Variants in MLLT1 observed in about 807,000 individuals in gnomAD.
MLLT1 encodes the protein protein ENL.
Under a neutral mutation model 55.1 loss-of-function variants are expected in MLLT1, and 11 were observed. The observed-to-expected ratio is 0.20, with a 90% CI of 0.13 to 0.33. MLLT1 has a LOEUF of 0.33. Ranked by LOEUF, MLLT1 falls within the 10% of genes least tolerant of loss-of-function variation. The probability of loss-of-function intolerance (pLI) is 1.00; values close to 1 mark genes in which losing one functional copy is unlikely to be tolerated. For synonymous variants in MLLT1, 323 were observed against 320.1 expected (o/e 1.01, Z -0.10); for missense variants, 536 against 760.6 (o/e 0.70, Z 3.47).
At chr19:6,234,706 T>C (rs955627676) in intron 3 of MLLT1, among the ~76,000 whole-genome samples, 1 of 152,112 alleles carries the variant, frequency 6.6e-6, no homozygotes, top group African/African-American at 2.4e-5. Flanking sequence ...TGCCACTGCA[T>C]GTCCACAAGC....
intron 2 of MLLT1, among the ~76,000 whole-genome samples, chr19:6,267,402 TA>T (rs34411333): frequency 0.66 from 94,331 of 143,230 alleles, 31,316 homozygotes; most frequent in East Asian, 0.78. Flanking sequence ...GCCAAAAAAT[TA>T]AAAAAAAAAA....
At position 6,256,786 on chromosome 19, in the gene MLLT1, C is replaced by T. The variant is rs2091260716; in HGVS notation, c.276+5442G>A. Among the ~76,000 whole-genome samples, 1 of 152,098 alleles carries T rather than the reference C, an allele frequency of 6.6e-6. No homozygotes were observed. The highest frequency in any genetic ancestry group is 1.5e-5 in the Non-Finnish European group (1 of 68,016). ...AATAAAATAAAATAAAAATAACCTT[C>T]CTATACAACTACAGTCATCAAAACA... On this transcript the variant is annotated intron_variant, in intron 3 of 11. Transcript: ENST00000252674. This position sits in a 1 kb window ranked among gnomAD's most constrained non-coding sequence, Gnocchi z 4.1.
chr19:6,263,087 A>G (rs7258356), intron 2 of MLLT1: 55,744 of 152,154 alleles, frequency 0.37, 12,762 homozygotes, highest in African/African-American at 0.65. Context: ...AGGAAGCTGA[A>G]GCAGGAGAAT....
chr19:6,215,409 T>G (rs1311589571), intron 8 of MLLT1, among the ~76,000 whole-genome samples: 1 of 152,098 alleles, frequency 6.6e-6, no homozygotes, highest in African/African-American at 2.4e-5. Context: ...GCCACAGCCC[T>G]CCTCGTGTCT....
chr19:6,260,587 A>G (rs1021269648), intron 3 of MLLT1, among the ~76,000 whole-genome samples: 2 of 152,266 alleles, frequency 1.3e-5, no homozygotes, highest in Admixed American at 1.3e-4. Flanking sequence ...CAGCAGCCGG[A>G]GCCCCTTGCC....
At chr19:6,268,352 T>A (rs2091365965) in intron 2 of MLLT1, among the ~76,000 whole-genome samples, 1 of 152,090 alleles carries the variant, frequency 6.6e-6, no homozygotes. Flanking sequence ...CCCTTCAAGC[T>A]GGTAAATCAG....
chr19:6,262,174 G>A lies in MLLT1; in HGVS notation c.276+54C>T, dbSNP rs372595439. ...TGTTTTGTGAACTGCCGTGGCACCC[G>A]GAGCAGGGGTCCCCACAGAGAGGCA... On this transcript the variant is annotated intron_variant, in intron 3 of 11. Transcript: ENST00000252674. The surrounding 1 kb of genome is among the most constrained non-coding windows in gnomAD (Gnocchi z 4.4). 1.2e-5 allele frequency: 17 copies of A among 1,437,702 alleles called. No homozygotes were observed. The highest frequency in any genetic ancestry group is 4.5e-5 in the East Asian group (2 of 44,080). 89.1% of individuals were successfully genotyped at this position (1,437,702 alleles called of 1,614,324 possible).
At position 6,235,575 on chromosome 19, in the gene MLLT1, G is replaced by GGAACTGGGTCCTCTCCTCTCCACACTCC. The variant is rs1249554968; in HGVS notation, c.277-4890_277-4863dup. On this transcript the variant is annotated intron_variant, in intron 3 of 11. Coordinates refer to ENST00000252674, the MANE Select transcript of MLLT1 (RefSeq NM_005934.4). This position sits in a 1 kb window ranked among gnomAD's most constrained non-coding sequence, Gnocchi z 5.5. ...CCTGGCACAGGGCACCCTGGGGCTC[G>GGAACTGGGTCCTCTCCTCTCCACACTCC]GAACTGGGTCCTCTCCTCTCCACAC... Among the ~76,000 whole-genome samples, 9 of 152,090 alleles carry GGAACTGGGTCCTCTCCTCTCCACACTCC rather than the reference G, an allele frequency of 5.9e-5. No homozygotes were observed. Among genetic ancestry groups the GGAACTGGGTCCTCTCCTCTCCACACTCC allele is most frequent in the Non-Finnish European group, 1.2e-4 (8 of 67,974 alleles).
chr19:6,276,287 G>A (rs543916906), intron 1 of MLLT1, among the ~76,000 whole-genome samples: 1 of 152,234 alleles, frequency 6.6e-6, no homozygotes, highest in Non-Finnish European at 1.5e-5. Context: ...GGAGCTTTTC[G>A]GGCAGGTTTG....
chr19:6,212,566 G>A lies in MLLT1; in HGVS notation c.*476C>T. 9.2e-7 allele frequency: 1 copy of A among 1,087,272 alleles called. No individual in the cohort carries two copies. Among genetic ancestry groups the A allele is most frequent in the Non-Finnish European group, 1.1e-6 (1 of 894,758 alleles). The allele number at this position is 1,087,272 out of a possible 1,614,324, so 67.4% of individuals were successfully genotyped here. On this transcript the variant is annotated 3_prime_UTR_variant, in exon 12 of 12. Coordinates refer to ENST00000252674, the MANE Select transcript of MLLT1 (RefSeq NM_005934.4). ...GGAGCCGGCGCTAGGTCTACACGGA[G>A]GACGACGCAGACACACAGGCAGGGC... is the stretch of plus-strand genomic sequence containing the variant.
rs1178858712 is a variant in MLLT1 at position 6,227,684 on chromosome 19, C to T, written c.421-582G>A. 6.6e-6 allele frequency among the ~76,000 whole-genome samples: 1 copy of T among 152,150 alleles called. No individual in the cohort carries two copies. Among genetic ancestry groups the T allele is most frequent in the African/African-American group, 2.4e-5 (1 of 41,438 alleles). On this transcript the variant is annotated intron_variant, in intron 4 of 11. Coordinates refer to ENST00000252674, the MANE Select transcript of MLLT1 (RefSeq NM_005934.4). The surrounding 1 kb of genome is among the most constrained non-coding windows in gnomAD (Gnocchi z 5.1). ...TGTGCCTACTGGGGGGGTCTCTCTG[C>T]AAAGCAGGCCCGAGTGAGCCAGCGA... is the stretch of plus-strand genomic sequence containing the variant.
intron 2 of MLLT1, chr19:6,263,001 TGATGAAACTCCGTCTC>T (rs914427693): frequency 1.3e-5 from 2 of 151,762 alleles, no homozygotes; most frequent in African/African-American, 4.8e-5. Flanking sequence ...CTGGCCAACA[TGATGAAACTCCGTCTC>T]TAATAAAAAC....
At chr19:6,247,437 C>A (rs79321491) in intron 3 of MLLT1, among the ~76,000 whole-genome samples, 1 of 152,010 alleles carries the variant, frequency 6.6e-6, no homozygotes, top group East Asian at 1.9e-4. Flanking sequence ...GGCCCGAATG[C>A]GAGAACAATT....
At chr19:6,265,425 C>G (rs564958013) in intron 2 of MLLT1, among the ~76,000 whole-genome samples, 6 of 152,156 alleles carry the variant, frequency 3.9e-5, no homozygotes, top group Admixed American at 6.5e-5. Context: ...AATCCCAGTA[C>G]TTTGGGAGGC....
chr19:6,213,433 C>A, intron 10 of MLLT1, 25 bp from the exon 11 acceptor site: 1 of 1,587,098 alleles, frequency 6.3e-7, no homozygotes, highest in South Asian at 1.1e-5. Context: ...CAGGTCTCAG[C>A]AGCGTGTGGG....
At chr19:6,251,828 C>T (rs980604493) in intron 3 of MLLT1, among the ~76,000 whole-genome samples, 1 of 151,984 alleles carries the variant, frequency 6.6e-6, no homozygotes, top group Admixed American at 6.6e-5. Context: ...GTGACATGCA[C>T]CTGTGGTCCC....
rs1309173218 is a variant in MLLT1 at position 6,273,217 on chromosome 19, G to A, written c.13-2458C>T. Among the ~76,000 whole-genome samples, 2 of 152,100 alleles carry A rather than the reference G, an allele frequency of 1.3e-5. No individual in the cohort carries two copies. The highest frequency in any genetic ancestry group is 4.8e-5 in the African/African-American group (2 of 41,404). On this transcript the variant is annotated intron_variant, in intron 1 of 11. Coordinates refer to ENST00000252674, the MANE Select transcript of MLLT1 (RefSeq NM_005934.4). This position sits in a 1 kb window ranked among gnomAD's most constrained non-coding sequence, Gnocchi z 4.3. ...GCCTGGGGTGCAGGCAGAAAAGGGCGAATGGCAAACTAACAGCAACCCCAG... is the reference window on the plus strand; with the variant it reads ...GCCTGGGGTGCAGGCAGAAAAGGGCAAATGGCAAACTAACAGCAACCCCAG...
rs987451545 is a variant in MLLT1, at chr19:6,230,953, G to C, written c.277-240C>G. Among the ~76,000 whole-genome samples the C allele has an allele frequency of 2.0e-5, 3 of 152,186 alleles. No individual in the cohort carries two copies. Among genetic ancestry groups the C allele is most frequent in the South Asian group, 2.1e-4 (1 of 4,832 alleles). On this transcript the variant is annotated intron_variant, in intron 3 of 11. Transcript: ENST00000252674. The surrounding 1 kb of genome is among the most constrained non-coding windows in gnomAD (Gnocchi z 9.0). The stretch of plus-strand genomic sequence containing the variant: ...ATGGCAGAAAGAAAGCTCATTCATA[G>C]CCATGCTCTCGGACTGTTATGGGAA...
intron 3 of MLLT1, among the ~76,000 whole-genome samples, chr19:6,251,370 G>A (rs1417604758): frequency 6.6e-6 from 1 of 152,292 alleles, no homozygotes; most frequent in Non-Finnish European, 1.5e-5. Context: ...CCTCTGGAAT[G>A]AATCTGGTTC....
Sources: gnomAD v4.1 joint callset for allele counts (sites outside exome capture counted in the v4.1 genomes callset) on GRCh38, gnomAD v4.1.1 for gene constraint, Gnocchi (gnomAD v3.1) non-coding constraint, MANE v1.5 for transcripts, NCBI Gene and HGNC (gene_info 2026-07-23, HGNC 2026-07-21) for gene names.